The following TET3 variants were observed in gnomAD, a reference collection of about 807,000 sequenced individuals.
TET3 encodes tet methylcytosine dioxygenase 3, also known as methylcytosine dioxygenase TET3.
Under a neutral mutation model 141.4 loss-of-function variants are expected in TET3, and 19 were observed. The ratio of observed to expected loss-of-function variants is 0.13; its 90% CI spans 0.09 to 0.20. The LOEUF is 0.20. TET3 is among the 10% of genes least tolerant of loss of function. The pLI is 1.00. For synonymous variants in TET3, 1,043 were observed against 980.9 expected (o/e 1.06, Z -1.18); for missense variants, 1,874 against 2,356.9 (o/e 0.80, Z 4.24).
In TET3 at chr2:74,010,068, C is replaced by A. The variant is rs138999277; in HGVS notation, c.360+6902C>A. On this transcript the variant is annotated intron_variant, in intron 3 of 11. Coordinates refer to ENST00000409262, the MANE Select transcript of TET3 (RefSeq NM_001287491.2). ...CCCACTGTTATTTCTCCTTGGTTTC[C>A]TGTTTTCCAGCTGTGGGTTCCCAGA... Among the ~76,000 whole-genome samples the A allele has an allele frequency of 6.9e-4, 105 of 152,328 alleles. 1 individual carries two copies. The East Asian group carries it at 0.013, about 19-fold the overall frequency.
Position 74,102,078 on chromosome 2 carries a change from C to G in TET3, c.5290C>G (p.Pro1764Ala). 6.0e-6 allele frequency: 9 copies of G among 1,509,546 alleles called. No individual in the cohort carries two copies. The highest frequency in any genetic ancestry group is 8.0e-6 in the Non-Finnish European group (9 of 1,130,558). The allele number at this position is 1,509,546 out of a possible 1,614,324, so 93.5% of individuals were successfully genotyped here. Reference sequence around the variant, plus strand: ...GCAGAAAGAGAAGAAGGGGGTCGTCCCCACCCGGCAGGCACTGGCTGTGCC... The same window carrying G: ...GCAGAAAGAGAAGAAGGGGGTCGTCGCCACCCGGCAGGCACTGGCTGTGCC... Reference protein sequence around the residue: ...PQQKEKKGVVPTRQALAVPTD... With the variant: ...PQQKEKKGVVATRQALAVPTD... The change falls in exon 12 of 12, where the codon CCC (proline) becomes GCC (alanine). Residue 1764 changes from proline (P) to alanine (A), a missense_variant. By Grantham distance (27) the Pro-to-Ala change is conservative. This residue lies in a region of TET3 where 113 missense variants were observed against 114.3 expected (regional missense o/e 0.99). Coordinates refer to ENST00000409262, the MANE Select transcript of TET3 (RefSeq NM_001287491.2).
At chr2:73,984,740 A>C (rs1321132861), upstream of TET3, among the ~76,000 whole-genome samples, 2 of 148,774 alleles carry the variant, frequency 1.3e-5, no homozygotes, top group Non-Finnish European at 3.0e-5. The surrounding 1 kb of genome is among the most constrained non-coding windows in gnomAD (Gnocchi z 5.6). Context: ...AGCCTGCCCC[A>C]AGCCGCTCGC....
intron 6 of TET3, 92 bp downstream of exon 6, chr2:74,080,683 G>C: frequency 1.6e-6 from 1 of 614,932 alleles, no homozygotes; most frequent in African/African-American, 1.9e-5. Context: ...GCTGCATGTA[G>C]CTGAGCAGGC....
At chr2:74,002,302 C>T (rs978049473) in intron 2 of TET3, among the ~76,000 whole-genome samples, 2 of 152,150 alleles carry the variant, frequency 1.3e-5, no homozygotes, top group African/African-American at 4.8e-5. Context: ...GTGACAGGGC[C>T]CGGTGCCGTC....
At chr2:74,032,487 G>GCGCGCGCGCGCGATGGCCCCAGCGGC (rs1558730116) in intron 3 of TET3, among the ~76,000 whole-genome samples, 9 of 150,460 alleles carry the variant, frequency 6.0e-5, no homozygotes, top group African/African-American at 7.4e-5. Flanking sequence ...GTGTGTGTGT[G>GCGCGCGCGCGCGATGGCCCCAGCGGC]TGTGTGTGTG....
At chr2:74,010,667 GC>G (rs1685382967) in intron 3 of TET3, among the ~76,000 whole-genome samples, 1 of 152,246 alleles carries the variant, frequency 6.6e-6, no homozygotes, top group East Asian at 1.9e-4. Flanking sequence ...ATTTGAATGT[GC>G]AGTCAGAGTT....
Position 74,100,868 on chromosome 2 carries a change from G to C in TET3, c.4080G>C (p.Ala1360=), listed in dbSNP as rs1480731756. ...HHPTPHHQQP[A]YPGPKEYLLP... is the part of the protein sequence containing the mutation. ...CCACTCCTCACCACCAGCAGCCTGC[G>C]TACCCAGGCCCCAAGGAGTATCTGC... Residue 1360 remains alanine, a synonymous_variant, in exon 12 of 12, where the codon GCG becomes GCC. Transcript: ENST00000409262. The C allele has an allele frequency of 1.9e-6, 3 of 1,610,788 alleles. No individual in the cohort carries two copies. The highest frequency in any genetic ancestry group is 2.5e-6 in the Non-Finnish European group (3 of 1,178,758).
chr2:73,988,990 G>GTTTTTTT (rs1437398059), intron 2 of TET3, among the ~76,000 whole-genome samples: 15 of 106,328 alleles, frequency 1.4e-4, no homozygotes, highest in East Asian at 5.3e-4. Flanking sequence ...AAAAAAAAAA[G>GTTTTTTT]TTTTTTTTGT....
chr2:74,086,507 G>T (rs1465043047), intron 6 of TET3, among the ~76,000 whole-genome samples: 1 of 152,136 alleles, frequency 6.6e-6, no homozygotes, highest in East Asian at 1.9e-4. Flanking sequence ...GTATAAACAG[G>T]CTGGGTGCAG....
chr2:74,029,418 C>T (rs959690618), intron 3 of TET3, among the ~76,000 whole-genome samples: 16 of 152,126 alleles, frequency 1.1e-4, no homozygotes, highest in African/African-American at 2.9e-4. Context: ...ATTCAGCCTC[C>T]GGGGCCCTGT....
At chr2:74,005,514 C>T (rs1217571086) in intron 3 of TET3, among the ~76,000 whole-genome samples, 1 of 152,192 alleles carries the variant, frequency 6.6e-6, no homozygotes, top group Non-Finnish European at 1.5e-5. Context: ...CAGGGTGAGG[C>T]AGTTTTGCCA....
At chr2:74,026,172 G>A (rs1434874268) in intron 3 of TET3, among the ~76,000 whole-genome samples, 1 of 152,090 alleles carries the variant, frequency 6.6e-6, no homozygotes, top group Non-Finnish European at 1.5e-5. Flanking sequence ...TCCCTGGCTG[G>A]TTTGGTGTTA....
intron 3 of TET3, among the ~76,000 whole-genome samples, chr2:74,017,394 C>A (rs1685786317): frequency 6.6e-6 from 1 of 152,178 alleles, no homozygotes; most frequent in Non-Finnish European, 1.5e-5. Context: ...TTCCCCTGCA[C>A]CCCTGCCCTC....
the TET3 span, chr2:74,121,567 G>A: frequency 6.6e-6 from 1 of 152,200 alleles, no homozygotes; most frequent in Non-Finnish European, 1.5e-5. Context: ...GGCAAACCAG[G>A]GTCAGCTGTG....
intron 4 of TET3, among the ~76,000 whole-genome samples, chr2:74,063,219 C>G (rs1242197345): frequency 6.6e-6 from 1 of 151,260 alleles, no homozygotes; most frequent in Non-Finnish European, 1.5e-5. Flanking sequence ...GTATGCCAGG[C>G]TTCTCATGTA....
chr2:74,033,148 G>A (rs1686846459), intron 3 of TET3, among the ~76,000 whole-genome samples: 1 of 152,164 alleles, frequency 6.6e-6, no homozygotes, highest in East Asian at 1.9e-4. Flanking sequence ...AGTTTCAGGT[G>A]TTTTATAGGT....
At chr2:74,007,293 C>T (rs569357558) in intron 3 of TET3, among the ~76,000 whole-genome samples, 1 of 152,324 alleles carries the variant, frequency 6.6e-6, no homozygotes, top group East Asian at 1.9e-4. Flanking sequence ...TGCTTTCTCT[C>T]TGGCTCAGAG....
downstream of TET3, among the ~76,000 whole-genome samples, chr2:74,112,005 T>C (rs1572921527): frequency 6.6e-6 from 1 of 152,186 alleles, no homozygotes; most frequent in Admixed American, 6.5e-5. Flanking sequence ...ACAGGTATTG[T>C]TATTTGAAAG....
In TET3 at chr2:74,104,819, T is replaced by C. The variant is rs1041271488; in HGVS notation, c.*2643T>C. The C allele has an allele frequency of 3.4e-4, 71 of 211,340 alleles. No individual in the cohort carries two copies. The highest frequency in any genetic ancestry group is 1.5e-3 in the African/African-American group (68 of 44,032). The allele number at this position is 211,340 out of a possible 1,614,324, so 13.1% of individuals were successfully genotyped here. The stretch of plus-strand genomic sequence containing the variant: ...GCCCAAACAGCCTTGGTTCATCAGT[T>C]TCTGCAGTAGGAGATAGGCTGCTGA... On this transcript the variant is annotated 3_prime_UTR_variant, in exon 12 of 12. Transcript: ENST00000409262.
Sources: gnomAD v4.1 joint callset for allele counts (sites outside exome capture counted in the v4.1 genomes callset) on GRCh38, gnomAD v4.1.1 for gene constraint, gnomAD v4.1.1 regional missense constraint, Gnocchi (gnomAD v3.1) non-coding constraint, MANE v1.5 for transcripts, NCBI Gene and HGNC (gene_info 2026-07-23, HGNC 2026-07-21) for gene names.